THBS2: variants seen among roughly 807,000 people sequenced by gnomAD.
The protein encoded by THBS2 is thrombospondin 2.
A neutral mutation model predicts 135.2 loss-of-function variants in THBS2; 47 were observed. That is an observed-to-expected ratio of 0.35 (90% CI 0.28 to 0.44). The LOEUF (loss-of-function observed/expected upper bound fraction) is 0.44, where lower values mean the gene tolerates loss of function less well. THBS2 is among the 20% of genes least tolerant of loss of function. The probability of loss-of-function intolerance (pLI) is 1.00; values close to 1 mark genes in which losing one functional copy is unlikely to be tolerated. For missense variants in THBS2, 1,288 were observed against 1,603.1 expected (o/e 0.80, Z 3.36); for synonymous variants, 639 against 633.8 (o/e 1.01, Z -0.12).
chr6:169,249,106 CCT>C, intron 2 of THBS2, 133 bp from the exon 3 acceptor site: 1 of 876,212 alleles, frequency 1.1e-6, no homozygotes, highest in Middle Eastern at 3.5e-4. Flanking sequence ...AGCTTCTCTC[CCT>C]TTTTTATGGG....
Position 169,217,823 on chromosome 6 carries a change from T to G in THBS2, c.3518A>C (p.Ter1173SerextTer17), listed in dbSNP as rs1779229624. The change falls in exon 22 of 22, where the codon TAA becomes TCA. Residue 1173 changes from the stop codon to serine, a stop_lost. Transcript: ENST00000617924. ...SDLKYECRDI[*>S] ...TGCCGGAAATGCAGCAAATCTTGTT[T>G]AAATATCTACAAAAAGAAAAAAAAA... 2 of 1,587,558 alleles carry G rather than the reference T, an allele frequency of 1.3e-6. No homozygotes were observed. The highest frequency in any genetic ancestry group is 4.5e-5 in the East Asian group (2 of 44,480).
chr6:169,230,333 G>C (rs958788610), intron 13 of THBS2, among the ~76,000 whole-genome samples: 1 of 152,156 alleles, frequency 6.6e-6, no homozygotes, highest in Non-Finnish European at 1.5e-5. Flanking sequence ...TAGCGTGTCC[G>C]TTTCAGTTTC....
intron 4 of THBS2, among the ~76,000 whole-genome samples, chr6:169,244,600 GCACACA>G (rs34824221): frequency 2.1e-5 from 3 of 143,586 alleles, no homozygotes; most frequent in African/African-American, 5.0e-5. Flanking sequence ...ACACACGCAC[GCACACA>G]CACACACACA....
At chr6:169,234,578 G>A (rs1779964873) in intron 10 of THBS2, 156 bp downstream of exon 10, 5 of 785,528 alleles carry the variant, frequency 6.4e-6, no homozygotes, top group Non-Finnish European at 7.6e-6. Flanking sequence ...AATACAGGAG[G>A]ACTGAAACAC....
intron 20 of THBS2, 78 bp downstream of exon 20, chr6:169,221,351 AT>A: frequency 7.8e-7 from 1 of 1,289,796 alleles, no homozygotes; most frequent in South Asian, 1.2e-5. Context: ...ACTTGAGCTT[AT>A]TTGTCTATTA....
chr6:169,219,196 GTGGA>G (rs1191112390), intron 21 of THBS2, among the ~76,000 whole-genome samples: 9 of 147,210 alleles, frequency 6.1e-5, no homozygotes, highest in South Asian at 2.2e-4. Context: ...GGATGTGTGG[GTGGA>G]TGGATGGATG....
intron 21 of THBS2, among the ~76,000 whole-genome samples, chr6:169,218,131 GGAT>G (rs1190839195): frequency 4.8e-5 from 7 of 146,846 alleles, no homozygotes; most frequent in African/African-American, 1.8e-4. Context: ...GTGGGTGGGT[GGAT>G]GAGATGGATG....
chr6:169,223,418 A>G lies in THBS2; in HGVS notation c.2831T>C (p.Ile944Thr), dbSNP rs146079026. The G allele has an allele frequency of 5.6e-6, 9 of 1,614,072 alleles. No homozygotes were observed. Among genetic ancestry groups the G allele is most frequent in the Non-Finnish European group, 6.8e-6 (8 of 1,180,052 alleles). Residue 944 changes from isoleucine (I) to threonine (T), a missense_variant, in exon 18 of 22, where the codon ATT becomes ACT. Around this residue, in one of 2 missense-constraint regions of THBS2, gnomAD observed 874 missense variants for 1,156.1 expected, o/e 0.76. Coordinates refer to ENST00000617924, the MANE Select transcript of THBS2 (RefSeq NM_003247.5). ...DDFDNDNIPD[I>T]DDVCPENNAI... ...ATTGTTTTCAGGACACACATCATCAATATCTGGGATGTTGTCATTGTCAAA... is the reference window on the plus strand; with the variant it reads ...ATTGTTTTCAGGACACACATCATCAGTATCTGGGATGTTGTCATTGTCAAA...
intron 4 of THBS2, among the ~76,000 whole-genome samples, chr6:169,242,614 ACCG>A (rs1780357374): frequency 9.8e-5 from 3 of 30,670 alleles, no homozygotes; most frequent in South Asian, 1.3e-3. Context: ...CCACCTTCCC[ACCG>A]CTCCCACCTT....
At chr6:169,236,352 A>ACACT (rs1780069671) in intron 9 of THBS2, among the ~76,000 whole-genome samples, 1 of 51,096 alleles carries the variant, frequency 2.0e-5, no homozygotes, top group Non-Finnish European at 4.0e-5. Flanking sequence ...CTCCCCATCC[A>ACACT]CACTCCCCAT....
At chr6:169,237,455 G>T (rs1780138745) in intron 8 of THBS2, 109 bp from the exon 9 acceptor site, 1 of 1,499,212 alleles carries the variant, frequency 6.7e-7, no homozygotes. Context: ...TGAGGAGAGG[G>T]AAGGAGAACC....
intron 9 of THBS2, among the ~76,000 whole-genome samples, chr6:169,236,366 C>T (rs1583413925): frequency 8.1e-6 from 1 of 123,960 alleles, no homozygotes; most frequent in South Asian, 3.2e-4. Context: ...TCCCCATCCA[C>T]ACTCACTCCC....
chr6:169,221,289 G>A, intron 20 of THBS2, 141 bp downstream of exon 20: 1 of 685,640 alleles, frequency 1.5e-6, no homozygotes, highest in Non-Finnish European at 2.5e-6. Flanking sequence ...GGATAGAAAA[G>A]AGAAAGCAGT....
intron 21 of THBS2, among the ~76,000 whole-genome samples, chr6:169,218,570 G>C (rs1562351771): frequency 7.0e-6 from 1 of 142,564 alleles, no homozygotes; most frequent in Non-Finnish European, 1.5e-5. Context: ...ATGGGGCTGG[G>C]TGGATGGATG....
In THBS2 at chr6:169,232,181, G is replaced by C. The variant is rs1156253220; in HGVS notation, c.1950C>G (p.Asn650Lys). 6.2e-7 allele frequency: 1 copy of C among 1,613,774 alleles called. No individual in the cohort carries two copies. The highest frequency in any genetic ancestry group is 8.5e-7 in the Non-Finnish European group (1 of 1,179,910). The change falls in exon 13 of 22, where the codon AAC (asparagine) becomes AAG (lysine). Residue 650 changes from asparagine to lysine, a missense_variant. By Grantham distance (94) the Asn-to-Lys change is moderately conservative. Around this residue, in one of 2 missense-constraint regions of THBS2, gnomAD observed 874 missense variants for 1,156.1 expected, o/e 0.76. Coordinates refer to ENST00000617924, the MANE Select transcript of THBS2 (RefSeq NM_003247.5). Reference sequence around the variant, plus strand: ...AGTTGTGTGTCTTGTCCTTGCATGGGTTTTCGGGCTCACACACCTACGGGG... The same window carrying C: ...AGTTGTGTGTCTTGTCCTTGCATGGCTTTTCGGGCTCACACACCTACGGGG... ...KTEKQVCEPENPCKDKTHNCH... is the reference protein window; with the variant it reads ...KTEKQVCEPEKPCKDKTHNCH...
At chr6:169,232,862 G>A (rs747364866) in intron 11 of THBS2, 28 bp downstream of exon 11, 2 of 1,605,196 alleles carry the variant, frequency 1.2e-6, no homozygotes, top group Non-Finnish European at 1.7e-6. Flanking sequence ...ACCTCAGGGC[G>A]CCCACAGCCC....
rs2115015178 is a variant in THBS2 at position 169,240,560 on chromosome 6, A to G, written c.924T>C (p.Ile308=). 6.2e-6 allele frequency: 10 copies of G among 1,614,056 alleles called. No homozygotes were observed. Among genetic ancestry groups the G allele is most frequent in the Non-Finnish European group, 8.5e-6 (10 of 1,180,002 alleles). The change falls in exon 6 of 22, where the codon ATT becomes ATC. Residue 308 remains isoleucine (I), a synonymous_variant. Coordinates refer to ENST00000617924, the MANE Select transcript of THBS2 (RefSeq NM_003247.5). The stretch of plus-strand genomic sequence containing the variant: ...TGTTCCTTGTCTTAGGAGGGCCACC[A>G]ATGAGCTCCCAGAGAAACTGGTTAT... The part of the protein sequence containing the change: ...SNDNQFLWEL[I]GGPPKTRNMS...
In THBS2 at chr6:169,240,611, C is replaced by T. The variant is rs375100707; in HGVS notation, c.892-19G>A. ...CATTCGACTGGAAAATCAAGTGAAA[C>T]ATTTAAGTGTAGACAATAATACTAC... On this transcript the variant is annotated intron_variant, in intron 5 of 21. Transcript: ENST00000617924. 3.1e-6 allele frequency: 5 copies of T among 1,612,862 alleles called. No individual in the cohort carries two copies. In the African/African-American group the frequency reaches 5.3e-5, roughly 17 times the overall value.
intron 4 of THBS2, chr6:169,245,962 G>A (rs895256353): frequency 5.3e-6 from 2 of 374,158 alleles, no homozygotes; most frequent in Non-Finnish European, 9.7e-6. Flanking sequence ...AAATTATTTG[G>A]ATGATTAAAA....
Sources: gnomAD v4.1 joint callset for allele counts (sites outside exome capture counted in the v4.1 genomes callset) on GRCh38, gnomAD v4.1.1 for gene constraint, gnomAD v4.1.1 regional missense constraint, MANE v1.5 for transcripts, NCBI Gene and HGNC (gene_info 2026-07-23, HGNC 2026-07-21) for gene names.